OSTN: variants seen among roughly 807,000 people sequenced by gnomAD.
OSTN encodes osteocrin.
A neutral mutation model predicts 12.0 loss-of-function variants in OSTN; 9 were observed. That is an observed-to-expected ratio of 0.75 (90% confidence interval 0.45 to 1.30). OSTN has a LOEUF of 1.30. Among genes scored for constraint, OSTN ranks in the 50% most tolerant of loss-of-function variants. The probability of loss-of-function intolerance (pLI) is 0.00; values close to 1 mark genes in which losing one functional copy is unlikely to be tolerated. For missense variants in OSTN, 148 were observed against 152.3 expected (o/e 0.97, Z 0.15); for synonymous variants, 59 against 56.9 (o/e 1.04, Z -0.16).
rs986432727 is a variant in OSTN, at chr3:191,264,730, T to C, written c.*1877T>C. ...CTCTTTCTTTCCTTGTATGCACATT[T>C]GGGTATTTGTAAGCTTCTAATCCAA... On this transcript the variant is annotated 3_prime_UTR_variant, in exon 5 of 5. Coordinates refer to ENST00000682035, the MANE Select transcript of OSTN (RefSeq NM_198184.2). 5 of 152,150 alleles carry C rather than the reference T, an allele frequency of 3.3e-5. No individual in the cohort carries two copies. The highest frequency in any genetic ancestry group is 1.2e-4 in the African/African-American group (5 of 41,458). The allele number at this position is 152,150 out of a possible 1,614,324, so 9.4% of individuals were successfully genotyped here.
At chr3:191,251,868 C>A (rs1715568810) in intron 4 of OSTN, among the ~76,000 whole-genome samples, 1 of 152,174 alleles carries the variant, frequency 6.6e-6, no homozygotes, top group Non-Finnish European at 1.5e-5. Context: ...TGTTTAAAAA[C>A]CAAGTAACTC....
In OSTN at chr3:191,262,955, A is replaced by G. The variant is rs1371727308; in HGVS notation, c.*102A>G. The G allele has an allele frequency of 1.4e-6, 1 of 695,436 alleles. No individual in the cohort carries two copies. Among genetic ancestry groups the G allele is most frequent in the Non-Finnish European group, 2.6e-6 (1 of 380,110 alleles). The allele number at this position is 695,436 out of a possible 1,614,324, so 43.1% of individuals were successfully genotyped here. A position where few individuals can be genotyped will look rare whatever the true frequency, so the allele number is the denominator to read the frequency against. ...TTCTTAATGATTAAACTTTTAAGGAACTGACCTTCTGCAAATCCTTTCCAA... is the reference window on the plus strand; with the variant it reads ...TTCTTAATGATTAAACTTTTAAGGAGCTGACCTTCTGCAAATCCTTTCCAA... On this transcript the variant is annotated 3_prime_UTR_variant, in exon 5 of 5. Transcript: ENST00000682035.
In OSTN at chr3:191,227,672, G is replaced by T. The variant is rs1714947134; in HGVS notation, c.317+8711G>T. Among the ~76,000 whole-genome samples the T allele has an allele frequency of 2.0e-5, 3 of 152,202 alleles. No homozygotes were observed. In the East Asian group the frequency reaches 5.8e-4, roughly 29 times the overall value. On this transcript the variant is annotated intron_variant, in intron 3 of 4. Transcript: ENST00000682035. ...TTAAAGGCAGTTTGTCGTTCTGGGG[G>T]AACGACTGTTTTTCTGAGGAGGCTT... is the stretch of plus-strand genomic sequence containing the variant.
At chr3:191,205,943 G>C (rs951967704) in intron 1 of OSTN, among the ~76,000 whole-genome samples, 2 of 152,154 alleles carry the variant, frequency 1.3e-5, no homozygotes, top group African/African-American at 4.8e-5. Flanking sequence ...TCAGCACTTT[G>C]GGAGGCTGAG....
Position 191,263,008 on chromosome 3 carries a change from A to C in OSTN, c.*155A>C. Reference sequence around the variant, plus strand: ...CTTGAACTTCAGTCCATCACATTACAGCATTGTTACAGCTTCAATTAAATT... The same window carrying C: ...CTTGAACTTCAGTCCATCACATTACCGCATTGTTACAGCTTCAATTAAATT... On this transcript the variant is annotated 3_prime_UTR_variant, in exon 5 of 5. Transcript: ENST00000682035. The C allele has an allele frequency of 1.6e-6, 1 of 626,032 alleles. No homozygotes were observed. 38.8% of individuals were successfully genotyped at this position (626,032 alleles called of 1,614,324 possible).
At chr3:191,245,265 AT>A (rs1359399091) in intron 3 of OSTN, among the ~76,000 whole-genome samples, 1 of 152,342 alleles carries the variant, frequency 6.6e-6, no homozygotes, top group South Asian at 2.1e-4. Context: ...TCACTGTAGT[AT>A]CCCCAATGCA....
At chr3:191,231,354 C>CATAT (rs58457250) in intron 3 of OSTN, among the ~76,000 whole-genome samples, 14 of 150,600 alleles carry the variant, frequency 9.3e-5, no homozygotes, top group African/African-American at 2.7e-4. Context: ...AAAAATCACA[C>CATAT]ATATATATAT....
chr3:191,255,468 A>C lies in OSTN; in HGVS notation c.*12+5335A>C, dbSNP rs1314513881. On this transcript the variant is annotated intron_variant, in intron 4 of 4. Coordinates refer to ENST00000682035, the MANE Select transcript of OSTN (RefSeq NM_198184.2). ...CTCAATTCCTCAAAGTAGTCTGGACATTTCTAAAAATATACCACTCCACTC... is the reference window on the plus strand; with the variant it reads ...CTCAATTCCTCAAAGTAGTCTGGACCTTTCTAAAAATATACCACTCCACTC... Among the ~76,000 whole-genome samples, 4 of 152,364 alleles carry C rather than the reference A, an allele frequency of 2.6e-5. No homozygotes were observed. In the South Asian group the frequency reaches 6.2e-4, roughly 24 times the overall value.
chr3:191,205,355 G>A (rs1384094072), intron 1 of OSTN, among the ~76,000 whole-genome samples: 1 of 151,650 alleles, frequency 6.6e-6, no homozygotes, highest in Non-Finnish European at 1.5e-5. Flanking sequence ...CTGAATATCT[G>A]TATATTGTCT....
intron 3 of OSTN, among the ~76,000 whole-genome samples, chr3:191,246,636 AAAG>A (rs1337248107): frequency 6.6e-6 from 1 of 151,508 alleles, no homozygotes; most frequent in Non-Finnish European, 1.5e-5. Context: ...GAAAGAAAGA[AAAG>A]AAGAAGAGGA....
At chr3:191,240,847 G>A (rs1303184207) in intron 3 of OSTN, among the ~76,000 whole-genome samples, 1 of 152,234 alleles carries the variant, frequency 6.6e-6, no homozygotes, top group Non-Finnish European at 1.5e-5. Flanking sequence ...GCCAGCTGCC[G>A]CCGGAATAAG....
At chr3:191,250,998 CT>C (rs1715547760) in intron 4 of OSTN, among the ~76,000 whole-genome samples, 1 of 152,220 alleles carries the variant, frequency 6.6e-6, no homozygotes, top group Non-Finnish European at 1.5e-5. Context: ...TATTTGCTAG[CT>C]ATGGGAACTT....
intron 3 of OSTN, among the ~76,000 whole-genome samples, chr3:191,246,906 CTTTTATAG>C (rs1394469987): frequency 1.3e-5 from 2 of 152,178 alleles, no homozygotes; most frequent in African/African-American, 4.8e-5. Flanking sequence ...TGATTAGCAA[CTTTTATAG>C]ACTGGTGACT....
At chr3:191,231,184 T>C (rs1288179049) in intron 3 of OSTN, among the ~76,000 whole-genome samples, 1 of 152,108 alleles carries the variant, frequency 6.6e-6, no homozygotes, top group Non-Finnish European at 1.5e-5. Context: ...TAGAAAACAA[T>C]GAAAGACAAA....
chr3:191,257,017 T>C (rs2108555658), intron 4 of OSTN, among the ~76,000 whole-genome samples: 1 of 151,832 alleles, frequency 6.6e-6, no homozygotes, highest in African/African-American at 2.4e-5. Flanking sequence ...ACCCCATCTG[T>C]ACAAAAAAGT....
At position 191,218,752 on chromosome 3, in the gene OSTN, T is replaced by C. The variant is rs924574166; in HGVS notation, c.108T>C (p.Phe36=). ...LSVDVTTTEA[F]DSGVIDVQST... is the part of the protein sequence containing the mutation. Reference sequence around the variant, plus strand: ...CGCCTTTCTCTGCCTTATAGGCCTTTGATTCTGGAGTCATAGATGTGCAGT... The same window carrying C: ...CGCCTTTCTCTGCCTTATAGGCCTTCGATTCTGGAGTCATAGATGTGCAGT... The change falls in exon 3 of 5, where the codon TTT becomes TTC. Residue 36 remains phenylalanine (F), a synonymous_variant. Coordinates refer to ENST00000682035, the MANE Select transcript of OSTN (RefSeq NM_198184.2). The C allele has an allele frequency of 6.2e-7, 1 of 1,613,618 alleles. No homozygotes were observed. The highest frequency in any genetic ancestry group is 1.3e-5 in the African/African-American group (1 of 74,916).
chr3:191,212,890 A>G (rs1236015766), intron 2 of OSTN, among the ~76,000 whole-genome samples: 3 of 23,924 alleles, frequency 1.3e-4, no homozygotes, highest in African/African-American at 3.8e-4. Context: ...TTTTTTTTTG[A>G]GACAGAGTCT....
At chr3:191,203,239 C>T (rs938152173) in intron 1 of OSTN, among the ~76,000 whole-genome samples, 2 of 152,208 alleles carry the variant, frequency 1.3e-5, no homozygotes, top group African/African-American at 4.8e-5. Flanking sequence ...ATTCAACACA[C>T]ACATTTGACC....
chr3:191,225,453 T>G (rs1165792120), intron 3 of OSTN, among the ~76,000 whole-genome samples: 5 of 152,140 alleles, frequency 3.3e-5, no homozygotes, highest in African/African-American at 1.2e-4. Flanking sequence ...TAAAGGAAAT[T>G]TCCAAATTCC....
Sources: allele counts gnomAD v4.1 joint callset (sites outside exome capture counted in the v4.1 genomes callset), GRCh38; gene constraint gnomAD v4.1.1; transcripts MANE v1.5; gene names NCBI Gene and HGNC (gene_info 2026-07-23, HGNC 2026-07-21).